Variants in RARB observed in about 807,000 individuals in gnomAD.
RARB encodes retinoic acid receptor beta, also known as HBV-activated protein.
Under a neutral mutation model 51.9 loss-of-function variants are expected in RARB, and 17 were observed. That is an observed-to-expected ratio of 0.33 (90% confidence interval 0.22 to 0.49). RARB has a LOEUF of 0.49. Ranked by LOEUF, RARB falls within the 20% of genes least tolerant of loss-of-function variation. The pLI, the probability that RARB is intolerant of heterozygous loss-of-function variation, is 0.99. For missense variants in RARB, 369 were observed against 550.8 expected (o/e 0.67, Z 3.30); for synonymous variants, 215 against 195.4 (o/e 1.10, Z -0.84).
chr3:25,585,370 C>T (rs1246002043), intron 5 of RARB, among the ~76,000 whole-genome samples: 2 of 152,170 alleles, frequency 1.3e-5, no homozygotes, highest in Non-Finnish European at 2.9e-5. Flanking sequence ...GAAGAGTTTC[C>T]AGCCTCTGGA....
At chr3:25,302,562 G>A (rs1183672357) in intron 5 of RARB, among the ~76,000 whole-genome samples, 1 of 152,214 alleles carries the variant, frequency 6.6e-6, no homozygotes, top group Admixed American at 6.5e-5. Context: ...ATAGGCTAAT[G>A]TAACAGAAAG....
At chr3:25,548,813 C>T (rs1464713384) in intron 3 of RARB, among the ~76,000 whole-genome samples, 1 of 152,050 alleles carries the variant, frequency 6.6e-6, no homozygotes, top group Non-Finnish European at 1.5e-5. Context: ...AGGAGAAATA[C>T]TATATTTTAG....
At chr3:25,250,480 TC>T (rs1391835494) in intron 5 of RARB, among the ~76,000 whole-genome samples, 1 of 152,130 alleles carries the variant, frequency 6.6e-6, no homozygotes, top group African/African-American at 2.4e-5. Flanking sequence ...AACACATTGG[TC>T]TCAGTTGGTG....
At chr3:25,402,960 C>A (rs186169970) in intron 5 of RARB, among the ~76,000 whole-genome samples, 1 of 151,918 alleles carries the variant, frequency 6.6e-6, no homozygotes, top group African/African-American at 2.4e-5. Context: ...GTCAGGAGTT[C>A]GAGACCAGCC....
chr3:25,426,599 C>T (rs146561454), upstream of RARB, among the ~76,000 whole-genome samples: 13 of 152,386 alleles, frequency 8.5e-5, no homozygotes, highest in African/African-American at 2.4e-4. Context: ...AAAAAGGAGA[C>T]TGGAGCAGTG....
intron 5 of RARB, among the ~76,000 whole-genome samples, chr3:25,333,376 A>T (rs988189512): frequency 6.6e-6 from 1 of 152,210 alleles, no homozygotes; most frequent in African/African-American, 2.4e-5. Context: ...AATACCACAC[A>T]TCTACGACCA....
intron 5 of RARB, among the ~76,000 whole-genome samples, chr3:25,347,332 G>T (rs554203449): frequency 1.3e-5 from 2 of 152,188 alleles, no homozygotes; most frequent in Admixed American, 6.5e-5. Flanking sequence ...CTTCATGGCG[G>T]ACTTGACCAG....
At chr3:25,179,245 A>G (rs1700816160) in intron 5 of RARB, among the ~76,000 whole-genome samples, 1 of 152,202 alleles carries the variant, frequency 6.6e-6, no homozygotes, top group South Asian at 2.1e-4. Flanking sequence ...GGGTGTGCTG[A>G]TCGATTGAAT....
At chr3:25,263,668 T>C (rs1413393136) in intron 5 of RARB, among the ~76,000 whole-genome samples, 1 of 152,186 alleles carries the variant, frequency 6.6e-6, no homozygotes, top group Non-Finnish European at 1.5e-5. Flanking sequence ...CCTTGGTCTT[T>C]GGGAAAATCC....
At chr3:24,983,040 C>T (rs1439478755) in intron 2 of RARB, among the ~76,000 whole-genome samples, 4 of 152,074 alleles carry the variant, frequency 2.6e-5, no homozygotes, top group Admixed American at 1.3e-4. Flanking sequence ...AGAATGTAAC[C>T]ACCAAACAAA....
intron 1 of RARB, among the ~76,000 whole-genome samples, chr3:25,438,823 AAG>A (rs1708541068): frequency 6.6e-6 from 1 of 152,232 alleles, no homozygotes; most frequent in Non-Finnish European, 1.5e-5. Context: ...AGGTAGGAAA[AAG>A]AGAGGTAAAG....
chr3:25,339,790 C>T (rs1243528180), intron 5 of RARB, among the ~76,000 whole-genome samples: 2 of 152,072 alleles, frequency 1.3e-5, no homozygotes, highest in Non-Finnish European at 2.9e-5. Flanking sequence ...GGTCTGAAGA[C>T]TGGGCTCAAC....
chr3:25,258,082 G>A (rs187276601), intron 5 of RARB, among the ~76,000 whole-genome samples: 6 of 152,186 alleles, frequency 3.9e-5, no homozygotes, highest in Admixed American at 3.9e-4. Context: ...CTTTAAGGCA[G>A]TGCCACAGAA....
At chr3:25,452,310 G>A (rs1240486196) in intron 1 of RARB, among the ~76,000 whole-genome samples, 1 of 152,190 alleles carries the variant, frequency 6.6e-6, no homozygotes, top group Non-Finnish European at 1.5e-5. Flanking sequence ...AAATGTTGGT[G>A]TTGAACGTGT....
chr3:24,986,674 G>A (rs560923534), intron 2 of RARB, among the ~76,000 whole-genome samples: 3 of 152,292 alleles, frequency 2.0e-5, no homozygotes, highest in African/African-American at 7.2e-5. Context: ...ACAATTTGTA[G>A]TTAATTTCTG....
At chr3:25,179,773 A>T (rs1700825965) in intron 5 of RARB, among the ~76,000 whole-genome samples, 1 of 152,146 alleles carries the variant, frequency 6.6e-6, no homozygotes, top group African/African-American at 2.4e-5. Flanking sequence ...ACAGGTATTG[A>T]TTACTTTAGT....
intron 2 of RARB, among the ~76,000 whole-genome samples, chr3:24,899,278 A>G (rs544067304): frequency 3.9e-5 from 6 of 152,130 alleles, no homozygotes; most frequent in Non-Finnish European, 5.9e-5. Context: ...AGCTAGCCCT[A>G]CCTTCCGTCA....
chr3:25,476,335 T>G (rs1469118067), intron 2 of RARB, among the ~76,000 whole-genome samples: 1 of 152,178 alleles, frequency 6.6e-6, no homozygotes, highest in Non-Finnish European at 1.5e-5. Context: ...ACAGCTGCAT[T>G]TATATGCACT....
At chr3:25,537,823 A>G (rs899558075) in intron 3 of RARB, among the ~76,000 whole-genome samples, 3 of 152,176 alleles carry the variant, frequency 2.0e-5, no homozygotes, top group African/African-American at 7.2e-5. Context: ...CCTTCTCCCA[A>G]CCTGTATCTC....
Sources: allele counts gnomAD v4.1 joint callset (sites outside exome capture counted in the v4.1 genomes callset), GRCh38; gene constraint gnomAD v4.1.1; transcripts MANE v1.5; gene names NCBI Gene and HGNC (gene_info 2026-07-23, HGNC 2026-07-21).